PEX5L: variants seen among roughly 807,000 people sequenced by gnomAD.
The protein encoded by PEX5L is PEX5-related protein.
In PEX5L, 30 loss-of-function variants were observed where a neutral mutation model predicts 84.0. The ratio of observed to expected loss-of-function variants is 0.36; its 90% CI spans 0.27 to 0.48. The LOEUF is 0.48. Ranked by LOEUF, PEX5L falls within the 20% of genes least tolerant of loss-of-function variation. The pLI, the probability that PEX5L is intolerant of heterozygous loss-of-function variation, is 0.99. For synonymous variants in PEX5L, 270 were observed against 283.1 expected (o/e 0.95, Z 0.46); for missense variants, 533 against 754.6 (o/e 0.71, Z 3.44).
At chr3:179,861,563 T>A (rs1291326231) in intron 7 of PEX5L, among the ~76,000 whole-genome samples, 1 of 152,146 alleles carries the variant, frequency 6.6e-6, no homozygotes, top group Non-Finnish European at 1.5e-5. Context: ...TGCAGGAGCA[T>A]CAGCGCCTCA....
intron 4 of PEX5L, among the ~76,000 whole-genome samples, chr3:179,883,358 CTA>C (rs372436336): frequency 9.8e-5 from 15 of 152,290 alleles, no homozygotes; most frequent in African/African-American, 3.6e-4. Context: ...TCTGAGCAGG[CTA>C]TGTTTTGCCA....
chr3:179,879,878 C>T, intron 5 of PEX5L, 51 bp downstream of exon 5: 1 of 1,293,132 alleles, frequency 7.7e-7, no homozygotes, highest in Non-Finnish European at 1.1e-6. Context: ...CTCTTGTATC[C>T]ACATCAGCAG....
chr3:179,842,532 A>T (rs1737685347), intron 8 of PEX5L, among the ~76,000 whole-genome samples: 1 of 152,118 alleles, frequency 6.6e-6, no homozygotes, highest in Admixed American at 6.5e-5. Flanking sequence ...TATTTTATAA[A>T]TATTTTTATA....
chr3:179,839,818 G>A (rs568735022), intron 8 of PEX5L, among the ~76,000 whole-genome samples: 73 of 152,128 alleles, frequency 4.8e-4, no homozygotes, highest in Admixed American at 2.8e-3. Flanking sequence ...ATAGTTATTA[G>A]CACTGCAAAT....
At chr3:179,919,695 A>G (rs1768590794) in intron 2 of PEX5L, among the ~76,000 whole-genome samples, 1 of 152,144 alleles carries the variant, frequency 6.6e-6, no homozygotes, top group African/African-American at 2.4e-5. Flanking sequence ...CCCAAAACAA[A>G]TTAAAAACAA....
rs571753148 is a variant in PEX5L, at chr3:179,928,618, A to T, written c.94-30372T>A. ...ACTGATTCTGGATTGAATTTTAAGC[A>T]TTTTCCATCATTTCCTGCAAGCAAC... On this transcript the variant is annotated intron_variant, in intron 2 of 14. Coordinates refer to ENST00000467460, the MANE Select transcript of PEX5L (RefSeq NM_016559.3). 1.2e-4 allele frequency among the ~76,000 whole-genome samples: 19 copies of T among 152,318 alleles called. No individual in the cohort carries two copies. The East Asian group carries it at 3.7e-3, about 29-fold the overall frequency.
At chr3:179,987,495 A>AT (rs1389017081) in intron 1 of PEX5L, among the ~76,000 whole-genome samples, 5 of 152,334 alleles carry the variant, frequency 3.3e-5, no homozygotes, top group Admixed American at 2.0e-4. Context: ...AACTCTTAGA[A>AT]TTCTGTATTA....
At chr3:179,909,724 G>A (rs1388986905) in intron 2 of PEX5L, among the ~76,000 whole-genome samples, 2 of 152,160 alleles carry the variant, frequency 1.3e-5, no homozygotes, top group African/African-American at 4.8e-5. Context: ...AAGTTAAAAG[G>A]AAGTCATTGG....
At chr3:179,965,611 C>T (rs1277629206) in intron 2 of PEX5L, among the ~76,000 whole-genome samples, 3 of 152,070 alleles carry the variant, frequency 2.0e-5, no homozygotes, top group Non-Finnish European at 1.5e-5. Flanking sequence ...CTTTAACAAT[C>T]GGTCGTAAGA....
intron 1 of PEX5L, among the ~76,000 whole-genome samples, chr3:179,997,966 C>T (rs369520736): frequency 7.2e-5 from 11 of 152,218 alleles, no homozygotes; most frequent in African/African-American, 2.4e-4. Context: ...TCACTTTTCG[C>T]TTCCAGAAGA....
At chr3:179,853,843 CT>C (rs1742893748) in intron 8 of PEX5L, among the ~76,000 whole-genome samples, 1 of 150,654 alleles carries the variant, frequency 6.6e-6, no homozygotes, top group African/African-American at 2.4e-5. Flanking sequence ...GTAGGGTCTC[CT>C]TCTGTCATTC....
chr3:179,902,288 G>A (rs929741827), intron 2 of PEX5L, among the ~76,000 whole-genome samples: 2 of 152,110 alleles, frequency 1.3e-5, no homozygotes, highest in African/African-American at 2.4e-5. Context: ...CTACCATACC[G>A]GTGTCTGTTC....
At chr3:179,986,181 T>TATATATATATATAA (rs58775648) in intron 1 of PEX5L, among the ~76,000 whole-genome samples, 24 of 149,946 alleles carry the variant, frequency 1.6e-4, no homozygotes, top group African/African-American at 5.8e-4. Context: ...TATATATATA[T>TATATATATATATAA]AACTTTATGT....
At chr3:179,997,778 G>C (rs113736091) in intron 1 of PEX5L, among the ~76,000 whole-genome samples, 19,392 of 152,198 alleles carry the variant, frequency 0.13, 1,366 homozygotes, top group African/African-American at 0.19. Flanking sequence ...ACATCTCCTG[G>C]TACCTGGTAT....
intron 2 of PEX5L, among the ~76,000 whole-genome samples, chr3:179,941,728 A>T (rs1239473008): frequency 6.6e-6 from 1 of 152,150 alleles, no homozygotes; most frequent in African/African-American, 2.4e-5. Flanking sequence ...TCACTTTGAA[A>T]ATGAGATTAT....
rs79330532 is a variant in PEX5L, at chr3:179,909,815, G to A, written c.94-11569C>T. Among the ~76,000 whole-genome samples the A allele has an allele frequency of 1.4e-4, 22 of 152,346 alleles. No homozygotes were observed. In the East Asian group the frequency reaches 4.2e-3, roughly 29 times the overall value. ...CAGACATTCACAGAGGGAAGACCATGTGAAGACACAGGGAGAAGACATCCA... is the reference window on the plus strand; with the variant it reads ...CAGACATTCACAGAGGGAAGACCATATGAAGACACAGGGAGAAGACATCCA... On this transcript the variant is annotated intron_variant, in intron 2 of 14. Coordinates refer to ENST00000467460, the MANE Select transcript of PEX5L (RefSeq NM_016559.3).
At chr3:179,809,310 A>G (rs972745824) in intron 12 of PEX5L, among the ~76,000 whole-genome samples, 161 bp downstream of exon 12, 4 of 152,152 alleles carry the variant, frequency 2.6e-5, no homozygotes, top group African/African-American at 4.8e-5. Flanking sequence ...TGGTCTAAGC[A>G]TTAATCTTTC....
chr3:179,867,956 T>C (rs1748919031), intron 7 of PEX5L, among the ~76,000 whole-genome samples: 1 of 152,010 alleles, frequency 6.6e-6, no homozygotes, highest in African/African-American at 2.4e-5. Context: ...TTATCTCTGG[T>C]GGATAAGCAT....
chr3:179,832,757 T>TACCC (rs1733619980), intron 8 of PEX5L, among the ~76,000 whole-genome samples: 1 of 150,828 alleles, frequency 6.6e-6, no homozygotes, highest in African/African-American at 2.5e-5. Context: ...CCTACCTACC[T>TACCC]ACCCACCGAT....
Sources: gnomAD v4.1 joint callset for allele counts (sites outside exome capture counted in the v4.1 genomes callset) on GRCh38, gnomAD v4.1.1 for gene constraint, MANE v1.5 for transcripts, NCBI Gene and HGNC (gene_info 2026-07-23, HGNC 2026-07-21) for gene names.